The following SH3BGR variants were observed in gnomAD, a reference collection of about 807,000 sequenced individuals.
SH3BGR encodes the protein SH3 domain-binding glutamic acid-rich protein.
A neutral mutation model predicts 24.5 loss-of-function variants in SH3BGR; 29 were observed. The observed-to-expected ratio is 1.18, with a 90% CI of 0.88 to 1.61. SH3BGR has a LOEUF of 1.61. Among genes scored for constraint, SH3BGR ranks in the 40% most tolerant of loss-of-function variants. The pLI, the probability that SH3BGR is intolerant of heterozygous loss-of-function variation, is 0.00. For missense variants in SH3BGR, 162 were observed against 205.8 expected (o/e 0.79, Z 1.30); for synonymous variants, 55 against 65.7 (o/e 0.84, Z 0.79).
chr21:39,477,621 G>A (rs1285144899), intron 3 of SH3BGR, among the ~76,000 whole-genome samples: 2 of 152,230 alleles, frequency 1.3e-5, no homozygotes, highest in African/African-American at 2.4e-5. Context: ...GGCTTTGAAC[G>A]TGCCTCCAGA....
intron 4 of SH3BGR, among the ~76,000 whole-genome samples, chr21:39,506,834 T>A (rs78433189): frequency 0.084 from 12,789 of 151,994 alleles, 773 homozygotes; most frequent in African/African-American, 0.17. Flanking sequence ...GGTAGTACAG[T>A]AAGGTTGGGT....
chr21:39,463,712 A>G (rs1427511693), intron 2 of SH3BGR, among the ~76,000 whole-genome samples: 2 of 152,230 alleles, frequency 1.3e-5, no homozygotes, highest in Non-Finnish European at 2.9e-5. Flanking sequence ...ATTTAGCACC[A>G]TGGCAGATTT....
At chr21:39,490,186 A>G (rs1194815442) in intron 3 of SH3BGR, among the ~76,000 whole-genome samples, 1 of 152,236 alleles carries the variant, frequency 6.6e-6, no homozygotes, top group East Asian at 1.9e-4. Context: ...ATTTCAGAAC[A>G]TTTATGTTAA....
intron 3 of SH3BGR, among the ~76,000 whole-genome samples, chr21:39,478,155 T>C (rs558370348): frequency 6.6e-6 from 1 of 152,374 alleles, no homozygotes; most frequent in South Asian, 2.1e-4. Context: ...AAATAACTTT[T>C]TTCAAATATT....
chr21:39,491,089 A>T (rs1569166941), intron 3 of SH3BGR, among the ~76,000 whole-genome samples: 2 of 152,150 alleles, frequency 1.3e-5, no homozygotes, highest in Non-Finnish European at 2.9e-5. Context: ...TATTTAGTTC[A>T]TTAACAATTA....
chr21:39,501,583 A>G lies in SH3BGR; in HGVS notation c.405+1668A>G, dbSNP rs1013102006. 2.0e-5 allele frequency among the ~76,000 whole-genome samples: 3 copies of G among 152,002 alleles called. No homozygotes were observed. In the East Asian group the frequency reaches 5.8e-4, roughly 29 times the overall value. ...ATCATATTATCAAATTTACTTTTCAACTCTTTAATGCCATTTATCCTACAG... is the reference window on the plus strand; with the variant it reads ...ATCATATTATCAAATTTACTTTTCAGCTCTTTAATGCCATTTATCCTACAG... On this transcript the variant is annotated intron_variant, in intron 4 of 6. Coordinates refer to ENST00000333634, the MANE Select transcript of SH3BGR (RefSeq NM_007341.3).
chr21:39,515,326 C>G lies in SH3BGR; in HGVS notation c.*273C>G, dbSNP rs1343404032. On this transcript the variant is annotated 3_prime_UTR_variant, in exon 7 of 7. Transcript: ENST00000333634. The stretch of plus-strand genomic sequence containing the variant: ...AGATTTTTTTTTCTTTTTTGCTCTG[C>G]ATAGCTAGACCATCTTATTAATAAT... 1 of 222,484 alleles carries G rather than the reference C, an allele frequency of 4.5e-6. No individual in the cohort carries two copies. The highest frequency in any genetic ancestry group is 9.4e-6 in the Non-Finnish European group (1 of 106,632). 13.8% of individuals were successfully genotyped at this position (222,484 alleles called of 1,614,324 possible).
At chr21:39,475,258 C>T (rs1200391723) in intron 3 of SH3BGR, 43 bp downstream of exon 3, 1 of 1,197,758 alleles carries the variant, frequency 8.3e-7, no homozygotes, top group African/African-American at 1.5e-5. Flanking sequence ...ACAGGTAATA[C>T]TAAATGAAGG....
At chr21:39,495,038 C>T (rs1239528626) in intron 3 of SH3BGR, among the ~76,000 whole-genome samples, 1 of 151,784 alleles carries the variant, frequency 6.6e-6, no homozygotes, top group Non-Finnish European at 1.5e-5. Flanking sequence ...TGAAATGTTA[C>T]ACTTGTTTGA....
At chr21:39,504,744 G>A (rs1336493164) in intron 4 of SH3BGR, among the ~76,000 whole-genome samples, 4 of 152,168 alleles carry the variant, frequency 2.6e-5, no homozygotes, top group Admixed American at 6.5e-5. Context: ...GTCAATTCAA[G>A]CATTTTACAT....
At chr21:39,504,324 A>G (rs2078547046) in intron 4 of SH3BGR, among the ~76,000 whole-genome samples, 2 of 152,174 alleles carry the variant, frequency 1.3e-5, no homozygotes, top group Admixed American at 6.5e-5. Flanking sequence ...CTGCAGCTCG[A>G]GAGGACTCTG....
chr21:39,490,919 G>C (rs1194665159), intron 3 of SH3BGR, among the ~76,000 whole-genome samples: 1 of 151,856 alleles, frequency 6.6e-6, no homozygotes, highest in Non-Finnish European at 1.5e-5. Flanking sequence ...TTTTTATAGA[G>C]AGAGGGTCCT....
intron 3 of SH3BGR, among the ~76,000 whole-genome samples, chr21:39,476,561 T>C (rs2078030888): frequency 6.6e-6 from 1 of 152,188 alleles, no homozygotes; most frequent in South Asian, 2.1e-4. Context: ...CACTGGAAAT[T>C]TGGGCAGAGT....
chr21:39,507,395 G>T (rs74390279), intron 4 of SH3BGR, among the ~76,000 whole-genome samples: 22 of 151,516 alleles, frequency 1.5e-4, no homozygotes, highest in African/African-American at 4.9e-4. Flanking sequence ...GTGCAGTGGC[G>T]CAATCTTGAC....
chr21:39,482,802 T>C (rs1029430411), intron 3 of SH3BGR, among the ~76,000 whole-genome samples: 8 of 152,152 alleles, frequency 5.3e-5, no homozygotes, highest in African/African-American at 1.9e-4. Flanking sequence ...CCAGAGTAGC[T>C]GGGGTTACCC....
At chr21:39,462,030 G>A (rs1179094675) in intron 1 of SH3BGR, among the ~76,000 whole-genome samples, 1 of 151,882 alleles carries the variant, frequency 6.6e-6, no homozygotes, top group Non-Finnish European at 1.5e-5. Flanking sequence ...TGTATTTTTA[G>A]TAGAGACAAG....
chr21:39,470,974 T>C (rs971890615), intron 2 of SH3BGR, among the ~76,000 whole-genome samples: 2 of 152,246 alleles, frequency 1.3e-5, no homozygotes, highest in Admixed American at 6.5e-5. Context: ...TCTAAACACA[T>C]TGAAATTATT....
At chr21:39,456,732 C>T (rs1013559445) in intron 1 of SH3BGR, among the ~76,000 whole-genome samples, 7 of 152,174 alleles carry the variant, frequency 4.6e-5, no homozygotes, top group Non-Finnish European at 1.0e-4. Context: ...TACCAGAGTC[C>T]ATATGCCAGA....
intron 3 of SH3BGR, among the ~76,000 whole-genome samples, chr21:39,482,576 T>A (rs77860245): frequency 6.6e-6 from 1 of 152,214 alleles, no homozygotes; most frequent in African/African-American, 2.4e-5. Flanking sequence ...TGCAGTTTGA[T>A]AAGACAGATG....
Sources: allele counts gnomAD v4.1 joint callset (sites outside exome capture counted in the v4.1 genomes callset), GRCh38; gene constraint gnomAD v4.1.1; transcripts MANE v1.5; gene names NCBI Gene and HGNC (gene_info 2026-07-23, HGNC 2026-07-21).